Variants in SLC30A7 observed in about 807,000 individuals in gnomAD.
SLC30A7 encodes solute carrier family 30 member 7.
Under a neutral mutation model 46.0 loss-of-function variants are expected in SLC30A7, and 35 were observed. The ratio of observed to expected loss-of-function variants is 0.76; its 90% CI spans 0.58 to 1.01. The LOEUF (loss-of-function observed/expected upper bound fraction) is 1.01. Among genes scored for constraint, SLC30A7 ranks in the 50% least tolerant of loss-of-function variants. SLC30A7 has a pLI of 0.00. For synonymous variants in SLC30A7, 147 were observed against 157.8 expected, an observed-to-expected ratio of 0.93 and a Z score of 0.51; for missense variants, 464 against 451.1, an observed-to-expected ratio of 1.03 and a Z score of -0.26.
intron 8 of SLC30A7, among the ~76,000 whole-genome samples, chr1:100,961,178 G>C (rs1655531464): frequency 6.6e-6 from 1 of 151,754 alleles, no homozygotes; most frequent in African/African-American, 2.4e-5. Flanking sequence ...AGCCAGGATG[G>C]TCTCGATATC....
chr1:100,972,223 C>A, intron 10 of SLC30A7: 1 of 264,246 alleles, frequency 3.8e-6, no homozygotes, highest in South Asian at 4.2e-5. Flanking sequence ...AGTTTGCATT[C>A]AGAGAGTAGG....
downstream of SLC30A7, among the ~76,000 whole-genome samples, chr1:100,982,089 C>T (rs1228833421): frequency 1.3e-5 from 2 of 152,226 alleles, no homozygotes; most frequent in Admixed American, 1.3e-4. Context: ...ACCAAAACAT[C>T]TGATGTGAGC....
intron 8 of SLC30A7, among the ~76,000 whole-genome samples, 193 bp downstream of exon 8, chr1:100,922,034 A>G (rs996313040): frequency 7.3e-6 from 1 of 136,466 alleles, no homozygotes; most frequent in South Asian, 2.2e-4. Flanking sequence ...GCTCATAGCC[A>G]TCTCTGCCTC....
intron 8 of SLC30A7, among the ~76,000 whole-genome samples, chr1:100,938,110 T>C (rs1228861076): frequency 6.6e-6 from 1 of 152,238 alleles, no homozygotes; most frequent in Admixed American, 6.5e-5. Flanking sequence ...TGTTTTTATG[T>C]CAGTGCCACA....
intron 8 of SLC30A7, among the ~76,000 whole-genome samples, chr1:100,949,084 C>A (rs1324227116): frequency 6.6e-6 from 1 of 152,184 alleles, no homozygotes; most frequent in East Asian, 1.9e-4. Flanking sequence ...GAGCTGCGAT[C>A]CTTTGGAGGA....
intron 9 of SLC30A7, among the ~76,000 whole-genome samples, chr1:100,963,139 A>G (rs992342516): frequency 6.6e-6 from 1 of 152,222 alleles, no homozygotes; most frequent in Non-Finnish European, 1.5e-5. Flanking sequence ...GATTAGGACC[A>G]GAAAGAGTTA....
intron 10 of SLC30A7, among the ~76,000 whole-genome samples, chr1:100,971,861 A>G (rs1366730685): frequency 6.6e-6 from 1 of 152,078 alleles, no homozygotes; most frequent in Non-Finnish European, 1.5e-5. Flanking sequence ...ATTCCCGTTT[A>G]TTTCCCTAAA....
intron 8 of SLC30A7, among the ~76,000 whole-genome samples, chr1:100,945,974 G>A (rs986182928): frequency 2.0e-5 from 3 of 152,198 alleles, no homozygotes; most frequent in African/African-American, 7.2e-5. Context: ...GCAGTGGTTT[G>A]TAGTTCTCCT....
intron 2 of SLC30A7, among the ~76,000 whole-genome samples, chr1:100,904,591 A>T (rs1651526165): frequency 6.6e-6 from 1 of 151,598 alleles, no homozygotes; most frequent in Non-Finnish European, 1.5e-5. Context: ...ATTGGACATT[A>T]TGAGTAAAAA....
chr1:100,993,598 A>ATATATATATATATATG, the SLC30A7 span, among the ~76,000 whole-genome samples: 2 of 128,238 alleles, frequency 1.6e-5, no homozygotes, highest in African/African-American at 2.9e-5. Flanking sequence ...ATATATATAT[A>ATATATATATATATATG]GCTATTGTGG....
the SLC30A7 span, chr1:100,992,650 T>C: frequency 6.2e-7 from 1 of 1,613,726 alleles, no homozygotes; most frequent in Admixed American, 1.7e-5. Flanking sequence ...GTTCTTCTCC[T>C]CGTATTCTTT....
chr1:100,990,943 G>C, the SLC30A7 span, among the ~76,000 whole-genome samples: 3 of 152,164 alleles, frequency 2.0e-5, no homozygotes, highest in Admixed American at 2.0e-4. Flanking sequence ...TAAGTTCTGA[G>C]TAAACAATGT....
At chr1:100,903,771 A>C (rs1242460842) in intron 2 of SLC30A7, among the ~76,000 whole-genome samples, 1 of 152,096 alleles carries the variant, frequency 6.6e-6, no homozygotes, top group Non-Finnish European at 1.5e-5. Context: ...TTAGTTTCTA[A>C]TTATATAATT....
intron 2 of SLC30A7, among the ~76,000 whole-genome samples, chr1:100,906,005 G>A (rs2101008162): frequency 6.6e-6 from 1 of 152,208 alleles, no homozygotes; most frequent in Non-Finnish European, 1.5e-5. Flanking sequence ...TCCAGAAATG[G>A]GCACACCTAT....
At chr1:100,983,482 A>T (rs1452963832), downstream of SLC30A7, among the ~76,000 whole-genome samples, 2 of 152,258 alleles carry the variant, frequency 1.3e-5, no homozygotes, top group African/African-American at 4.8e-5. Context: ...TTATCTGCTA[A>T]TGTTGACAGT....
chr1:100,967,340 T>C (rs1655923074), intron 10 of SLC30A7, among the ~76,000 whole-genome samples: 1 of 152,066 alleles, frequency 6.6e-6, no homozygotes, highest in South Asian at 2.1e-4. Flanking sequence ...CATTAGGTAT[T>C]AGATTCTCAT....
At chr1:100,896,816 C>T (rs899789219) in intron 2 of SLC30A7, 145 bp downstream of exon 2, 8 of 693,494 alleles carry the variant, frequency 1.2e-5, no homozygotes, top group East Asian at 2.7e-5. Context: ...TTTCTCATAC[C>T]CACACCAATC....
chr1:100,990,536 C>CCA, the SLC30A7 span: 2 of 1,614,172 alleles, frequency 1.2e-6, no homozygotes, highest in African/African-American at 2.7e-5. Context: ...TCTCCCAAGT[C>CCA]CACAGTGCAC....
Position 100,970,685 on chromosome 1 carries a change from C to CA in SLC30A7, c.1084-4112dup, listed in dbSNP as rs11351324. On this transcript the variant is annotated intron_variant, in intron 10 of 10. Transcript: ENST00000357650. ...CCTTTTGTGTTTAGTGTACAAACAGCAAAAAAAAAAAAATGGGATACTAGA... is the reference window on the plus strand; with the variant it reads ...CCTTTTGTGTTTAGTGTACAAACAGCAAAAAAAAAAAAAATGGGATACTAGA... Among the ~76,000 whole-genome samples, 802 of 123,402 alleles carry CA rather than the reference C, an allele frequency of 6.5e-3. 3 individuals are homozygous for CA. The highest frequency in any genetic ancestry group is 0.033 in the Middle Eastern group (8 of 240). 81.0% of individuals were successfully genotyped at this position (123,402 alleles called of 152,430 possible). A position where few individuals can be genotyped will look rare whatever the true frequency, so the allele number is the denominator to read the frequency against.
Sources: allele counts gnomAD v4.1 joint callset (sites outside exome capture counted in the v4.1 genomes callset), GRCh38; gene constraint gnomAD v4.1.1; transcripts MANE v1.5; gene names NCBI Gene and HGNC (gene_info 2026-07-23, HGNC 2026-07-21).